TGIF1: variants seen among roughly 807,000 people sequenced by gnomAD.
The protein encoded by TGIF1 is TGFB induced factor homeobox 1.
TGIF1 carries 4 observed loss-of-function variants against 19.3 expected under a neutral mutation model. The observed-to-expected ratio is 0.21, with a 90% CI of 0.10 to 0.47. TGIF1 has a LOEUF of 0.47. TGIF1 is among the 20% of genes least tolerant of loss of function. The pLI, the probability that TGIF1 is intolerant of heterozygous loss-of-function variation, is 0.98. For synonymous variants in TGIF1, 122 were observed against 129.3 expected, an observed-to-expected ratio of 0.94 and a Z score of 0.38; for missense variants, 275 against 341.4, an observed-to-expected ratio of 0.81 and a Z score of 1.53.
At chr18:3,419,871 T>C (rs2082378945) in intron 2 of TGIF1, among the ~76,000 whole-genome samples, 1 of 152,126 alleles carries the variant, frequency 6.6e-6, no homozygotes, top group African/African-American at 2.4e-5. Flanking sequence ...CTGGGCATGG[T>C]GGTGCCTGCC....
In TGIF1 at chr18:3,450,515, C is replaced by G; in HGVS notation, c.16+10C>G. 2 of 1,560,620 alleles carry G rather than the reference C, an allele frequency of 1.3e-6. No individual in the cohort carries two copies. The highest frequency in any genetic ancestry group is 1.4e-5 in the African/African-American group (1 of 73,566). ...ATGAAAGGCAAGAAAGGTAAGGCGG[C>G]CGCGGGCTGCGCGCACCAGAAGACG... On this transcript the variant is annotated intron_variant, in intron 1 of 2. Coordinates refer to ENST00000343820, the MANE Select transcript of TGIF1 (RefSeq NM_003244.4).
At chr18:3,417,523 A>G in intron 1 of TGIF1, among the ~76,000 whole-genome samples, 1 of 152,220 alleles carries the variant, frequency 6.6e-6, no homozygotes, top group East Asian at 1.9e-4. Flanking sequence ...CGTTCATGAT[A>G]CACTGTTAGA....
chr18:3,425,209 G>T (rs1426546573), intron 2 of TGIF1, among the ~76,000 whole-genome samples: 1 of 152,238 alleles, frequency 6.6e-6, no homozygotes, highest in Non-Finnish European at 1.5e-5. Flanking sequence ...GACAGCAAGA[G>T]AAATGTGACA....
At chr18:3,446,618 C>A (rs914735014), upstream of TGIF1, among the ~76,000 whole-genome samples, 1 of 152,158 alleles carries the variant, frequency 6.6e-6, no homozygotes, top group Admixed American at 6.5e-5. Context: ...AAAGTAGTAG[C>A]ACCAGTTACA....
intron 2 of TGIF1, among the ~76,000 whole-genome samples, chr18:3,434,737 T>C (rs2082593501): frequency 6.6e-6 from 1 of 151,802 alleles, no homozygotes. Flanking sequence ...AATAAGTAAA[T>C]ATAGTTATGA....
At position 3,456,970 on chromosome 18, in the gene TGIF1, C is replaced by T; in HGVS notation, c.243+390C>T. 1 of 569,626 alleles carries T rather than the reference C, an allele frequency of 1.8e-6. No homozygotes were observed. The highest frequency in any genetic ancestry group is 3.1e-6 in the Non-Finnish European group (1 of 324,098). 35.3% of individuals were successfully genotyped at this position (569,626 alleles called of 1,614,324 possible). Reference sequence around the variant, plus strand: ...AAATCAGTTACTGGGAGGAGTGGCCCTTTTCATAAGGAGAGGTTTTCCTGT... The same window carrying T: ...AAATCAGTTACTGGGAGGAGTGGCCTTTTTCATAAGGAGAGGTTTTCCTGT... On this transcript the variant is annotated intron_variant, in intron 2 of 2. Transcript: ENST00000343820. The surrounding 1 kb of genome is among the most constrained non-coding windows in gnomAD (Gnocchi z 4.2).
At position 3,426,256 on chromosome 18, in the gene TGIF1, C is replaced by T. The variant is rs201121226; in HGVS notation, c.-45+8041C>T. ...CAATCTTGGCTCACTGCAACGTCCTCCTCCTGGGCTCAAGTGATTCTCACA... is the reference window on the plus strand; with the variant it reads ...CAATCTTGGCTCACTGCAACGTCCTTCTCCTGGGCTCAAGTGATTCTCACA... On this transcript the variant is annotated intron_variant, in intron 2 of 3. Transcript: ENST00000401449. Among the ~76,000 whole-genome samples the T allele has an allele frequency of 5.3e-5, 8 of 150,122 alleles. No homozygotes were observed. The East Asian group carries it at 1.4e-3, about 26-fold the overall frequency.
In TGIF1 at chr18:3,423,881, A is replaced by T. The variant is rs543864460; in HGVS notation, c.-45+5666A>T. Among the ~76,000 whole-genome samples the T allele has an allele frequency of 2.0e-5, 3 of 152,112 alleles. No homozygotes were observed. The South Asian group carries it at 6.2e-4, about 32-fold the overall frequency. On this transcript the variant is annotated intron_variant, in intron 2 of 3. Coordinates refer to the TGIF1 transcript ENST00000401449. ...AAAACAACAAAACAAAAAAAGGCAC[A>T]CCTGCCCTCGTTTCTTCCTCTCTTT...
At chr18:3,442,165 T>TTC (rs1321593247) in intron 2 of TGIF1, among the ~76,000 whole-genome samples, 5 of 152,228 alleles carry the variant, frequency 3.3e-5, no homozygotes, top group African/African-American at 1.2e-4. Flanking sequence ...CCTTTATGTC[T>TTC]CTCAGTAGGG....
intron 2 of TGIF1, among the ~76,000 whole-genome samples, chr18:3,424,663 C>T (rs1267300687): frequency 2.0e-5 from 3 of 152,184 alleles, no homozygotes; most frequent in East Asian, 3.9e-4. Flanking sequence ...CTTTCAGCCC[C>T]ACCCCCAGCC....
intron 1 of TGIF1, among the ~76,000 whole-genome samples, chr18:3,416,820 A>G (rs552931132): frequency 1.4e-5 from 2 of 148,032 alleles, no homozygotes; most frequent in South Asian, 4.4e-4. Context: ...TAATCCAACT[A>G]CTCAGGAGGC....
intron 2 of TGIF1, among the ~76,000 whole-genome samples, chr18:3,427,602 C>CTT (rs60164860): frequency 2.7e-4 from 37 of 137,416 alleles, no homozygotes; most frequent in East Asian, 4.3e-4. Flanking sequence ...AGAATATATT[C>CTT]TTTTTTTTTT....
intron 1 of TGIF1, among the ~76,000 whole-genome samples, chr18:3,416,124 T>G (rs2082328679): frequency 6.6e-6 from 1 of 152,250 alleles, no homozygotes; most frequent in Non-Finnish European, 1.5e-5. Context: ...TGTTATGACC[T>G]TCTTGTACAT....
upstream of TGIF1, chr18:3,449,343 T>G (rs761495854): frequency 1.2e-5 from 12 of 982,230 alleles, no homozygotes; most frequent in African/African-American, 3.5e-5. Flanking sequence ...GTTCGGCGAC[T>G]CGGGGTGTCA....
At chr18:3,414,700 A>G (rs1395495700) in intron 1 of TGIF1, among the ~76,000 whole-genome samples, 1 of 152,158 alleles carries the variant, frequency 6.6e-6, no homozygotes, top group East Asian at 1.9e-4. Flanking sequence ...CCTTTCAAAT[A>G]TCTTTGAAAA....
chr18:3,458,788 A>G lies in TGIF1; in HGVS notation c.*848A>G, dbSNP rs2049443354. 6.6e-6 allele frequency: 1 copy of G among 152,226 alleles called. No individual in the cohort carries two copies. Among genetic ancestry groups the G allele is most frequent in the Non-Finnish European group, 1.5e-5 (1 of 68,038 alleles). 9.4% of individuals were successfully genotyped at this position (152,226 alleles called of 1,614,324 possible). ...TTTTCAGAAGAAAACAACGCAAGCAATCTCTTGCCCTTTTTCCACGTTACC... is the reference window on the plus strand; with the variant it reads ...TTTTCAGAAGAAAACAACGCAAGCAGTCTCTTGCCCTTTTTCCACGTTACC... On this transcript the variant is annotated 3_prime_UTR_variant, in exon 3 of 3. Transcript: ENST00000343820.
upstream of TGIF1, chr18:3,448,717 CTTTTT>C (rs869086299): frequency 4.6e-3 from 1,174 of 255,188 alleles, no homozygotes; most frequent in Middle Eastern, 8.2e-3. Context: ...GCGGGGGTGT[CTTTTT>C]TTTTTTTTTT....
intron 2 of TGIF1, among the ~76,000 whole-genome samples, chr18:3,443,144 G>A (rs1469356831): frequency 2.0e-5 from 3 of 152,148 alleles, no homozygotes; most frequent in African/African-American, 7.2e-5. Context: ...GTATGCCCCA[G>A]TACACAATCA....
chr18:3,450,049 G>A (rs2082850782), upstream of TGIF1: 23 of 1,005,460 alleles, frequency 2.3e-5, no homozygotes, highest in South Asian at 8.8e-4. Context: ...GCCGCGCTCG[G>A]TCCAGTCTTC....
Sources: gnomAD v4.1 joint callset for allele counts (sites outside exome capture counted in the v4.1 genomes callset) on GRCh38, gnomAD v4.1.1 for gene constraint, Gnocchi (gnomAD v3.1) non-coding constraint, MANE v1.5 for transcripts, NCBI Gene and HGNC (gene_info 2026-07-23, HGNC 2026-07-21) for gene names.